Variants in PLD5 observed in about 807,000 individuals in gnomAD.
PLD5 encodes the protein phospholipase D family member 5.
In PLD5, 36 loss-of-function variants were observed where a neutral mutation model predicts 61.1. The observed-to-expected ratio is 0.59, with a 90% CI of 0.45 to 0.78. PLD5 has a LOEUF of 0.78. Among genes scored for constraint, PLD5 ranks in the 30% least tolerant of loss-of-function variants. The pLI is 0.00. For missense variants in PLD5, 515 were observed against 644.4 expected, an observed-to-expected ratio of 0.80 and a Z score of 2.17; for synonymous variants, 243 against 242.8, an observed-to-expected ratio of 1.00 and a Z score of -0.01.
chr1:242,255,912 T>A (rs1672985242), intron 4 of PLD5, among the ~76,000 whole-genome samples: 1 of 152,258 alleles, frequency 6.6e-6, no homozygotes, highest in South Asian at 2.1e-4. Flanking sequence ...TTGACTTTAA[T>A]GAATAAAATT....
chr1:242,393,533 T>C lies in PLD5; in HGVS notation c.190-45291A>G, dbSNP rs1455096474. On this transcript the variant is annotated intron_variant, in intron 1 of 9. Transcript: ENST00000536534. ...GAGTATATATATATGTGTATATATG[T>C]GAGTATATATATGTGTATATATATG... is the stretch of plus-strand genomic sequence containing the variant. Among the ~76,000 whole-genome samples, 9 of 88,990 alleles carry C rather than the reference T, an allele frequency of 1.0e-4. 2 individuals carry two copies. Among genetic ancestry groups the C allele is most frequent in the Non-Finnish European group, 1.8e-4 (9 of 49,424 alleles). 58.4% of individuals were successfully genotyped at this position (88,990 alleles called of 152,430 possible).
intron 1 of PLD5, among the ~76,000 whole-genome samples, chr1:242,499,086 G>A (rs1044688005): frequency 6.6e-6 from 1 of 152,060 alleles, no homozygotes. Flanking sequence ...GGAAGGATTC[G>A]TTTCTTTGCA....
At chr1:242,228,895 A>G (rs992923673) in intron 4 of PLD5, among the ~76,000 whole-genome samples, 2 of 152,222 alleles carry the variant, frequency 1.3e-5, no homozygotes, top group African/African-American at 4.8e-5. Flanking sequence ...AATCTTTGGC[A>G]TAAATTACTT....
rs1659358554 is a variant in PLD5 at position 242,084,230 on chromosome 1, CAG to C, written c.*5622_*5623del. 1 of 151,880 alleles carries C rather than the reference CAG, an allele frequency of 6.6e-6. No homozygotes were observed. Among genetic ancestry groups the C allele is most frequent in the Non-Finnish European group, 1.5e-5 (1 of 68,000 alleles). 9.4% of individuals were successfully genotyped at this position (151,880 alleles called of 1,614,324 possible). ...AGCATTCAGAAACTGCCAATAAAATCAGAATACTATTGACTATTGCAGACTCA... is the reference window on the plus strand; with the variant it reads ...AGCATTCAGAAACTGCCAATAAAATCAATACTATTGACTATTGCAGACTCA... On this transcript the variant is annotated 3_prime_UTR_variant, in exon 10 of 10. Coordinates refer to ENST00000536534, the MANE Select transcript of PLD5 (RefSeq NM_001372062.1).
intron 4 of PLD5, among the ~76,000 whole-genome samples, chr1:242,255,585 C>G (rs1672969282): frequency 6.6e-6 from 1 of 152,192 alleles, no homozygotes; most frequent in Non-Finnish European, 1.5e-5. Context: ...TACCCTAAAA[C>G]TTAAAGTATA....
intron 1 of PLD5, among the ~76,000 whole-genome samples, chr1:242,444,480 C>G (rs1375757047): frequency 6.6e-6 from 1 of 151,574 alleles, no homozygotes; most frequent in African/African-American, 2.4e-5. Flanking sequence ...TAATTTCTAA[C>G]TATATCTAAT....
intron 4 of PLD5, among the ~76,000 whole-genome samples, chr1:242,232,729 G>A (rs548860773): frequency 3.9e-5 from 6 of 152,240 alleles, no homozygotes; most frequent in Admixed American, 3.3e-4. Flanking sequence ...TGCAATCCCA[G>A]CTATCCAGGA....
chr1:242,108,700 C>A (rs958321244), intron 7 of PLD5, among the ~76,000 whole-genome samples: 1 of 152,300 alleles, frequency 6.6e-6, no homozygotes, highest in East Asian at 1.9e-4. Flanking sequence ...CATTTGTAGA[C>A]CTTTTGTTTA....
chr1:242,413,224 CTTTCT>C (rs1664649915), intron 1 of PLD5, among the ~76,000 whole-genome samples: 9 of 152,044 alleles, frequency 5.9e-5, no homozygotes, highest in Admixed American at 5.9e-4. Flanking sequence ...TGAAAATGCT[CTTTCT>C]TTTTGAGGTT....
chr1:242,128,856 A>G (rs775890855), intron 5 of PLD5, among the ~76,000 whole-genome samples: 1 of 152,260 alleles, frequency 6.6e-6, no homozygotes, highest in South Asian at 2.1e-4. Context: ...AGATTGGTAT[A>G]TTTCATAAGA....
chr1:242,328,413 A>G (rs1371172768), intron 2 of PLD5, among the ~76,000 whole-genome samples: 2 of 152,030 alleles, frequency 1.3e-5, no homozygotes, highest in Admixed American at 6.6e-5. Flanking sequence ...TGTGTTCTAC[A>G]CGTTTTCTAT....
At chr1:242,272,908 GTTTT>G (rs199939149) in intron 3 of PLD5, among the ~76,000 whole-genome samples, 16 of 150,824 alleles carry the variant, frequency 1.1e-4, no homozygotes, top group East Asian at 3.9e-4. Flanking sequence ...TTTTTTGTTT[GTTTT>G]TTTTTCTTTT....
intron 1 of PLD5, among the ~76,000 whole-genome samples, chr1:242,356,246 T>G (rs1660746710): frequency 6.6e-6 from 1 of 152,110 alleles, no homozygotes; most frequent in Non-Finnish European, 1.5e-5. Flanking sequence ...TAGATTCAGG[T>G]GCTACACTGT....
intron 1 of PLD5, among the ~76,000 whole-genome samples, chr1:242,418,415 TAAA>T: frequency 6.6e-6 from 1 of 152,190 alleles, no homozygotes; most frequent in African/African-American, 2.4e-5. Context: ...AGGTCTAAGC[TAAA>T]GGTAATAAAT....
chr1:242,164,274 C>T (rs12037915), intron 5 of PLD5, among the ~76,000 whole-genome samples: 15,544 of 152,114 alleles, frequency 0.1, 1,360 homozygotes, highest in East Asian at 0.34. Flanking sequence ...ATGTCAGAAG[C>T]CCAAGTGAAT....
At chr1:242,429,972 A>G (rs1260328174) in intron 1 of PLD5, among the ~76,000 whole-genome samples, 2 of 152,172 alleles carry the variant, frequency 1.3e-5, no homozygotes, top group Non-Finnish European at 2.9e-5. Flanking sequence ...AAATTATTCT[A>G]CTGTCTAGCT....
chr1:242,312,433 C>T (rs1367498439), intron 2 of PLD5, among the ~76,000 whole-genome samples: 2 of 152,070 alleles, frequency 1.3e-5, no homozygotes, highest in African/African-American at 2.4e-5. Context: ...CCCTCATATA[C>T]ACAGCTGGTT....
At chr1:242,179,842 G>A (rs1418795229) in intron 5 of PLD5, among the ~76,000 whole-genome samples, 1 of 152,218 alleles carries the variant, frequency 6.6e-6, no homozygotes, top group Non-Finnish European at 1.5e-5. Context: ...GGCGGAGGTT[G>A]CAGTGAGCTG....
At chr1:242,258,455 T>C (rs1673201961) in intron 4 of PLD5, among the ~76,000 whole-genome samples, 1 of 152,248 alleles carries the variant, frequency 6.6e-6, no homozygotes, top group Non-Finnish European at 1.5e-5. Flanking sequence ...TATTACTAAA[T>C]ATTTTAAAAT....
Sources: gnomAD v4.1 joint callset for allele counts (sites outside exome capture counted in the v4.1 genomes callset) on GRCh38, gnomAD v4.1.1 for gene constraint, MANE v1.5 for transcripts, NCBI Gene and HGNC (gene_info 2026-07-23, HGNC 2026-07-21) for gene names.